The following SYN2 variants were observed in gnomAD, a reference collection of about 807,000 sequenced individuals.
SYN2 encodes synapsin-2.
SYN2 carries 19 observed loss-of-function variants against 50.9 expected under a neutral mutation model. The ratio of observed to expected loss-of-function variants is 0.37; its 90% CI spans 0.26 to 0.55. The LOEUF (loss-of-function observed/expected upper bound fraction) is 0.55. Among genes scored for constraint, SYN2 ranks in the 20% least tolerant of loss-of-function variants. SYN2 has a pLI of 0.81. For synonymous variants in SYN2, 255 were observed against 224.9 expected (o/e 1.13, Z -1.20); for missense variants, 587 against 576.4 (o/e 1.02, Z -0.19).
At chr3:12,061,247 A>G (rs1695107276) in intron 1 of SYN2, among the ~76,000 whole-genome samples, 1 of 152,166 alleles carries the variant, frequency 6.6e-6, no homozygotes, top group South Asian at 2.1e-4. Context: ...CAATAGGTAT[A>G]AGATGTGCAA....
At chr3:12,044,222 CAG>C (rs1694689378) in intron 1 of SYN2, among the ~76,000 whole-genome samples, 11 of 151,174 alleles carry the variant, frequency 7.3e-5, no homozygotes, top group Admixed American at 4.6e-4. Flanking sequence ...CACACACACA[CAG>C]GTGTGAGGAG....
At chr3:12,126,376 A>G (rs1409210633) in intron 1 of SYN2, among the ~76,000 whole-genome samples, 1 of 152,218 alleles carries the variant, frequency 6.6e-6, no homozygotes, top group African/African-American at 2.4e-5. Flanking sequence ...CTGGGCAGTG[A>G]TTTGTGAATT....
intron 5 of SYN2, among the ~76,000 whole-genome samples, chr3:12,151,973 C>T (rs1697310283): frequency 6.6e-6 from 1 of 152,148 alleles, no homozygotes; most frequent in African/African-American, 2.4e-5. Flanking sequence ...TTTTCCCGTG[C>T]AGGGACCTGG....
intron 10 of SYN2, among the ~76,000 whole-genome samples, chr3:12,181,455 C>T (rs899030981): frequency 5.9e-5 from 9 of 152,216 alleles, no homozygotes; most frequent in Admixed American, 3.3e-4. Context: ...CAGGCCTGGA[C>T]TGAGCAGCTG....
Position 12,033,404 on chromosome 3 carries a change from A to G in SYN2, c.377+28476A>G, listed in dbSNP as rs143141518. On this transcript the variant is annotated intron_variant, in intron 1 of 12. Transcript: ENST00000621198. ...TTCTTGTGCTTTCTTTACTTTGGGA[A>G]TGAAACAGACTGTGCTGTGACCAGT... Among the ~76,000 whole-genome samples, 9 of 152,298 alleles carry G rather than the reference A, an allele frequency of 5.9e-5. 1 individual carries two copies. The East Asian group carries it at 1.2e-3, about 20-fold the overall frequency.
At chr3:12,081,665 C>T (rs898620529) in intron 1 of SYN2, among the ~76,000 whole-genome samples, 2 of 152,058 alleles carry the variant, frequency 1.3e-5, no homozygotes, top group African/African-American at 4.8e-5. Flanking sequence ...AATTAGAATC[C>T]CAGAAGTATT....
chr3:12,055,579 T>C (rs941482958), intron 1 of SYN2, among the ~76,000 whole-genome samples: 2 of 152,228 alleles, frequency 1.3e-5, no homozygotes, highest in African/African-American at 2.4e-5. Context: ...TTTGCAGTTA[T>C]GAATTTTTAG....
chr3:12,090,531 C>G (rs887403374), intron 1 of SYN2, among the ~76,000 whole-genome samples: 2 of 152,176 alleles, frequency 1.3e-5, no homozygotes, highest in African/African-American at 4.8e-5. Flanking sequence ...GAGTTCACTC[C>G]TCTGTGCTTC....
chr3:12,179,374 GAAAAAAAAAAAAA>G (rs536283283), intron 10 of SYN2, among the ~76,000 whole-genome samples: 8 of 92,564 alleles, frequency 8.6e-5, no homozygotes, highest in East Asian at 3.8e-4. Context: ...AGAACTGAAA[GAAAAAAAAAAAAA>G]AAAAAAAAAA....
intron 1 of SYN2, among the ~76,000 whole-genome samples, chr3:12,016,884 A>G (rs766772499): frequency 6.6e-6 from 1 of 152,080 alleles, no homozygotes; most frequent in Non-Finnish European, 1.5e-5. Flanking sequence ...ATATAGGCTA[A>G]ATCATCGATC....
At chr3:12,017,847 A>T (rs753916610) in intron 1 of SYN2, among the ~76,000 whole-genome samples, 2 of 152,194 alleles carry the variant, frequency 1.3e-5, no homozygotes, top group Non-Finnish European at 2.9e-5. Flanking sequence ...CTAGATGAAT[A>T]TTCCTTCATT....
intron 1 of SYN2, among the ~76,000 whole-genome samples, chr3:12,051,581 A>G (rs942256596): frequency 3.3e-5 from 5 of 152,208 alleles, no homozygotes; most frequent in Non-Finnish European, 7.3e-5. Context: ...TAGAGATCCT[A>G]TAGTCTGCCG....
At chr3:12,117,123 A>G (rs185300245) in intron 1 of SYN2, among the ~76,000 whole-genome samples, 7 of 152,298 alleles carry the variant, frequency 4.6e-5, no homozygotes, top group Admixed American at 3.3e-4. Context: ...ATATTACCCA[A>G]TAATTTTCTG....
At chr3:12,068,144 G>A (rs143812860) in intron 1 of SYN2, among the ~76,000 whole-genome samples, 25 of 152,186 alleles carry the variant, frequency 1.6e-4, no homozygotes, top group East Asian at 3.9e-4. Flanking sequence ...ACTTGATATC[G>A]CTCTTTTTTT....
chr3:12,057,771 C>A, intron 1 of SYN2, among the ~76,000 whole-genome samples: 1 of 152,096 alleles, frequency 6.6e-6, no homozygotes, highest in Middle Eastern at 3.4e-3. Context: ...ATGAGACAAT[C>A]AGGGAAGATT....
chr3:12,148,519 GA>G, intron 4 of SYN2: 1 of 152,344 alleles, frequency 6.6e-6, no homozygotes, highest in Non-Finnish European at 1.5e-5. Context: ...GATTGGGTTG[GA>G]AAAGGCTCTG....
At chr3:12,109,324 A>C (rs554858529) in intron 1 of SYN2, among the ~76,000 whole-genome samples, 2 of 152,334 alleles carry the variant, frequency 1.3e-5, no homozygotes, top group East Asian at 3.9e-4. Context: ...CTGGTCTCTA[A>C]AATGAGAATA....
At chr3:12,162,756 G>A (rs1697683955) in intron 7 of SYN2, among the ~76,000 whole-genome samples, 2 of 152,276 alleles carry the variant, frequency 1.3e-5, no homozygotes, top group South Asian at 4.1e-4. Context: ...ACTGAAAAAT[G>A]CTACAGAACA....
At chr3:12,012,969 C>T (rs1693948251) in intron 1 of SYN2, among the ~76,000 whole-genome samples, 2 of 152,218 alleles carry the variant, frequency 1.3e-5, no homozygotes, top group African/African-American at 4.8e-5. Flanking sequence ...TCCACTGACA[C>T]TGGCCTTCTG....
Sources: allele counts gnomAD v4.1 joint callset (sites outside exome capture counted in the v4.1 genomes callset), GRCh38; gene constraint gnomAD v4.1.1; transcripts MANE v1.5; gene names NCBI Gene and HGNC (gene_info 2026-07-23, HGNC 2026-07-21).